Variants in ANKRD36C observed in about 807,000 individuals in gnomAD.
The protein encoded by ANKRD36C is ankyrin repeat domain-containing protein 36C.
Under a neutral mutation model 276.4 loss-of-function variants are expected in ANKRD36C, and 61 were observed. The observed-to-expected ratio is 0.22, with a 90% CI of 0.18 to 0.27. The LOEUF is 0.27. ANKRD36C is among the 10% of genes least tolerant of loss of function. The pLI is 1.00. For synonymous variants in ANKRD36C, 483 were observed against 680.1 expected, an observed-to-expected ratio of 0.71 and a Z score of 4.51; for missense variants, 1,447 against 2,032.3, an observed-to-expected ratio of 0.71 and a Z score of 5.54.
In ANKRD36C at chr2:95,894,783, A is replaced by C. The variant is rs558746865; in HGVS notation, c.2756-2923T>G. 2.2e-4 allele frequency among the ~76,000 whole-genome samples: 33 copies of C among 151,404 alleles called. 1 individual carries two copies. The highest frequency in any genetic ancestry group is 5.8e-4 in the African/African-American group (24 of 41,392). Reference sequence around the variant, plus strand: ...CATTGTGTTTTTATGCCAATTCAAGAAATGTTTCCTGCTTCCAGAAATTGC... The same window carrying C: ...CATTGTGTTTTTATGCCAATTCAAGCAATGTTTCCTGCTTCCAGAAATTGC... On this transcript the variant is annotated intron_variant, in intron 44 of 66. Transcript: ENST00000456556.
intron 60 of ANKRD36C, among the ~76,000 whole-genome samples, chr2:95,862,157 T>C (rs1340294055): frequency 1.3e-5 from 2 of 152,088 alleles, no homozygotes; most frequent in Non-Finnish European, 2.9e-5. Flanking sequence ...GAGGTTTCAA[T>C]ACCCTTTACT....
chr2:95,925,617 T>C, intron 28 of ANKRD36C, 70 bp from the exon 29 acceptor site: 3 of 1,440,082 alleles, frequency 2.1e-6, no homozygotes, highest in Non-Finnish European at 2.8e-6. Flanking sequence ...ATTCATGCAG[T>C]GTTAGCATCA....
chr2:95,887,979 C>A (rs1234712129), exon 50 of ANKRD36C: 2 of 1,599,902 alleles, frequency 1.3e-6, no homozygotes, highest in African/African-American at 2.7e-5. Flanking sequence ...GAAACAGAAT[C>A]TTTCTTGTCA....
chr2:95,892,622 T>C (rs1428936637), intron 44 of ANKRD36C, among the ~76,000 whole-genome samples: 1 of 151,548 alleles, frequency 6.6e-6, no homozygotes, highest in Non-Finnish European at 1.5e-5. Flanking sequence ...TATTGACCAG[T>C]TATTCATTCA....
At chr2:95,911,355 A>T (rs1046147177) in intron 42 of ANKRD36C, among the ~76,000 whole-genome samples, 7 of 151,500 alleles carry the variant, frequency 4.6e-5, no homozygotes, top group Admixed American at 2.0e-4. Context: ...TCATTCCAGT[A>T]TTCATTGAAA....
chr2:95,955,911 A>C (rs1356581737), intron 13 of ANKRD36C, among the ~76,000 whole-genome samples: 1 of 152,172 alleles, frequency 6.6e-6, no homozygotes, highest in Non-Finnish European at 1.5e-5. Context: ...AAAATGGGGA[A>C]TATTTAGCTG....
chr2:95,883,084 C>T (rs910682022), intron 54 of ANKRD36C, among the ~76,000 whole-genome samples: 3 of 152,084 alleles, frequency 2.0e-5, no homozygotes, highest in South Asian at 2.1e-4. Context: ...CTCAAACCCA[C>T]GTGGTGTAAT....
intron 44 of ANKRD36C, among the ~76,000 whole-genome samples, chr2:95,892,823 T>C (rs2104355527): frequency 6.6e-6 from 1 of 151,546 alleles, no homozygotes; most frequent in South Asian, 2.1e-4. Context: ...CAACTTTGTC[T>C]CATTTCTATA....
In ANKRD36C at chr2:95,913,656, C is replaced by T. The variant is rs182962151; in HGVS notation, c.2551+452G>A. 7.6e-3 allele frequency among the ~76,000 whole-genome samples: 1,158 copies of T among 151,480 alleles called. 14 individuals are homozygous for T. Among genetic ancestry groups the T allele is most frequent in the African/African-American group, 0.026 (1,092 of 41,418 alleles). On this transcript the variant is annotated intron_variant, in intron 40 of 66. Coordinates refer to ENST00000456556, the Ensembl canonical transcript of ANKRD36C. The stretch of plus-strand genomic sequence containing the variant: ...TTTCACACCTTCCTGCCTCACAATC[C>T]GTCTTCCTTAGGAAAATAGTTGCTA...
chr2:95,979,948 T>C (rs1399436004), intron 5 of ANKRD36C, among the ~76,000 whole-genome samples: 1 of 151,974 alleles, frequency 6.6e-6, no homozygotes, highest in Non-Finnish European at 1.5e-5. Flanking sequence ...TTGGAAACAA[T>C]GGCTGAGCAT....
chr2:95,957,015 TA>T (rs953418656), intron 12 of ANKRD36C, among the ~76,000 whole-genome samples, 199 bp from the exon 13 acceptor site: 93 of 144,512 alleles, frequency 6.4e-4, no homozygotes, highest in South Asian at 8.8e-4. Context: ...TTTAAAAAGT[TA>T]AAAAAAAAAA....
intron 30 of ANKRD36C, among the ~76,000 whole-genome samples, chr2:95,924,742 C>T (rs192693639): frequency 5.3e-4 from 81 of 151,678 alleles, no homozygotes; most frequent in African/African-American, 1.7e-3. Flanking sequence ...TTCCTGATTC[C>T]GGTAGTCATC....
chr2:95,963,972 AATATATATATATATATATATAT>A (rs1160108122), intron 6 of ANKRD36C, among the ~76,000 whole-genome samples: 3 of 48,998 alleles, frequency 6.1e-5, no homozygotes, highest in Non-Finnish European at 7.4e-5. Flanking sequence ...TATATATATA[AATATATATATATATATATATAT>A]ATATATATAT....
intron 34 of ANKRD36C, among the ~76,000 whole-genome samples, chr2:95,921,197 C>T (rs560597138): frequency 6.6e-6 from 1 of 150,648 alleles, no homozygotes; most frequent in Non-Finnish European, 1.5e-5. Flanking sequence ...TCTACAGTGT[C>T]TATGGGTTAT....
At chr2:95,979,101 T>C (rs1264020825) in intron 5 of ANKRD36C, among the ~76,000 whole-genome samples, 1 of 152,002 alleles carries the variant, frequency 6.6e-6, no homozygotes, top group Non-Finnish European at 1.5e-5. Context: ...CCAAGATACA[T>C]ACTAATAAAA....
intron 44 of ANKRD36C, among the ~76,000 whole-genome samples, chr2:95,892,359 T>A (rs951892089): frequency 6.6e-6 from 1 of 151,478 alleles, no homozygotes; most frequent in African/African-American, 2.4e-5. Flanking sequence ...CCTTCACATC[T>A]CTTCAGTGGA....
intron 36 of ANKRD36C, among the ~76,000 whole-genome samples, chr2:95,917,480 C>A (rs898085583): frequency 6.6e-6 from 1 of 151,560 alleles, no homozygotes; most frequent in African/African-American, 2.4e-5. Flanking sequence ...TGTCTTTTCT[C>A]AGCAGTACGA....
intron 6 of ANKRD36C, among the ~76,000 whole-genome samples, chr2:95,968,626 C>G (rs535590257): frequency 1.6e-3 from 249 of 152,270 alleles, no homozygotes; most frequent in Non-Finnish European, 2.8e-3. Flanking sequence ...GTATTTTTCC[C>G]CAGCAACAAG....
intron 12 of ANKRD36C, among the ~76,000 whole-genome samples, chr2:95,957,903 A>C (rs1473251402): frequency 6.7e-6 from 1 of 150,156 alleles, no homozygotes; most frequent in Non-Finnish European, 1.5e-5. Context: ...AACAAAACTT[A>C]TACCTCTGAT....
Sources: allele counts gnomAD v4.1 joint callset (sites outside exome capture counted in the v4.1 genomes callset), GRCh38; gene constraint gnomAD v4.1.1; transcripts MANE v1.5; gene names NCBI Gene and HGNC (gene_info 2026-07-23, HGNC 2026-07-21).